TYW1B: variants seen among roughly 807,000 people sequenced by gnomAD.
The protein encoded by TYW1B is S-adenosyl-L-methionine-dependent tRNA 4-demethylwyosine synthase TYW1B.
TYW1B carries 73 observed loss-of-function variants against 86.9 expected under a neutral mutation model. The ratio of observed to expected loss-of-function variants is 0.84; its 90% CI spans 0.70 to 1.02. The LOEUF (loss-of-function observed/expected upper bound fraction) is 1.02, where lower values mean the gene tolerates loss of function less well. Among genes scored for constraint, TYW1B ranks in the 50% least tolerant of loss-of-function variants. The probability of loss-of-function intolerance (pLI) is 0.00; values close to 1 mark genes in which losing one functional copy is unlikely to be tolerated. For synonymous variants in TYW1B, 248 were observed against 292.8 expected (o/e 0.85, Z 1.56); for missense variants, 637 against 827.4 (o/e 0.77, Z 2.82).
intron 9 of TYW1B, among the ~76,000 whole-genome samples, chr7:72,728,541 A>G (rs1787046912): frequency 6.6e-6 from 1 of 152,156 alleles, no homozygotes; most frequent in African/African-American, 2.4e-5. Flanking sequence ...TCCTGACCTC[A>G]GGTGATCCGC....
chr7:72,626,214 TC>T (rs1812346620), intron 12 of TYW1B, among the ~76,000 whole-genome samples: 1 of 150,844 alleles, frequency 6.6e-6, no homozygotes, highest in South Asian at 2.1e-4. Flanking sequence ...TTTCATCTGT[TC>T]CCACCTCCCC....
chr7:72,764,541 G>A (rs1395550796), intron 7 of TYW1B, among the ~76,000 whole-genome samples: 4 of 152,100 alleles, frequency 2.6e-5, no homozygotes, highest in Admixed American at 6.6e-5. Context: ...TCGGCCTCCC[G>A]AAGTGCTGGA....
chr7:72,614,015 G>C (rs1812003663), intron 13 of TYW1B, among the ~76,000 whole-genome samples: 1 of 141,342 alleles, frequency 7.1e-6, no homozygotes, highest in Non-Finnish European at 1.5e-5. Flanking sequence ...GGGGGTGGGG[G>C]GCAGGGGTGG....
chr7:72,639,080 T>C (rs1305219057), intron 11 of TYW1B, among the ~76,000 whole-genome samples: 1 of 152,050 alleles, frequency 6.6e-6, no homozygotes, highest in Non-Finnish European at 1.5e-5. Context: ...CAAAGTACAA[T>C]GTGAGAATCT....
intron 13 of TYW1B, among the ~76,000 whole-genome samples, chr7:72,612,585 T>C (rs1201934321): frequency 3.9e-5 from 6 of 152,060 alleles, no homozygotes; most frequent in Non-Finnish European, 5.9e-5. Context: ...AGTAGTTGGC[T>C]GAACAAAATC....
intron 7 of TYW1B, among the ~76,000 whole-genome samples, chr7:72,756,201 T>TTTTTTATTTTA (rs1381484640): frequency 1.2e-4 from 17 of 138,788 alleles, no homozygotes; most frequent in Non-Finnish European, 2.3e-4. Context: ...GTTTATTATT[T>TTTTTTATTTTA]TTTTATTTTA....
intron 6 of TYW1B, among the ~76,000 whole-genome samples, chr7:72,799,690 C>T (rs1314835758): frequency 6.6e-6 from 1 of 152,076 alleles, no homozygotes; most frequent in African/African-American, 2.4e-5. Context: ...TGATCTCGAT[C>T]ACCTGACCTC....
chr7:72,575,006 T>G lies in TYW1B; in HGVS notation c.*492A>C. ...GACAACTTCGATTCTTTTCAGGAGG[T>G]GCTGTCTTAAGACAGAAGAAAGGGA... is the stretch of plus-strand genomic sequence containing the variant. On this transcript the variant is annotated 3_prime_UTR_variant, in exon 14 of 14. Coordinates refer to ENST00000620995, the MANE Select transcript of TYW1B (RefSeq NM_001145440.3). 1.0e-6 allele frequency: 1 copy of G among 988,452 alleles called. No homozygotes were observed. The highest frequency in any genetic ancestry group is 1.2e-6 in the Non-Finnish European group (1 of 831,830). 61.2% of individuals were successfully genotyped at this position (988,452 alleles called of 1,614,324 possible).
intron 11 of TYW1B, among the ~76,000 whole-genome samples, chr7:72,652,677 G>C (rs1228113009): frequency 6.6e-6 from 1 of 152,042 alleles, no homozygotes; most frequent in African/African-American, 2.4e-5. Context: ...TAGTGATATA[G>C]TATACTGTAA....
At chr7:72,653,761 G>T (rs1185960183) in intron 11 of TYW1B, among the ~76,000 whole-genome samples, 1 of 151,624 alleles carries the variant, frequency 6.6e-6, no homozygotes, top group African/African-American at 2.4e-5. Flanking sequence ...AAAAGCATTT[G>T]ACAAAAGCCA....
intron 13 of TYW1B, among the ~76,000 whole-genome samples, chr7:72,578,980 C>CATA (rs1554429241): frequency 6.6e-6 from 1 of 152,076 alleles, no homozygotes. Flanking sequence ...CCCTCAAACT[C>CATA]TAACATAATT....
rs202041917 is a variant in TYW1B at position 72,800,200 on chromosome 7, CT to C, written c.846+2199del. On this transcript the variant is annotated intron_variant, in intron 6 of 13. Coordinates refer to ENST00000620995, the MANE Select transcript of TYW1B (RefSeq NM_001145440.3). ...ATACAAGCTAACAGATGTTTCACATCTTTTTTTTTTTTTTTGAAACAAGGTC... is the reference window on the plus strand; with the variant it reads ...ATACAAGCTAACAGATGTTTCACATCTTTTTTTTTTTTTTGAAACAAGGTC... 8.2e-3 allele frequency among the ~76,000 whole-genome samples: 1,167 copies of C among 142,346 alleles called. 4 individuals carry two copies. The highest frequency in any genetic ancestry group is 0.017 in the African/African-American group (671 of 39,060). The allele number at this position is 142,346 out of a possible 152,430, so 93.4% of individuals were successfully genotyped here.
chr7:72,679,213 C>T (rs117944170), intron 11 of TYW1B, among the ~76,000 whole-genome samples: 4,733 of 152,202 alleles, frequency 0.031, 89 homozygotes, highest in Admixed American at 0.046. Context: ...CAGGCTACGG[C>T]GACAAAAATC....
chr7:72,600,992 C>T (rs1476992676), intron 13 of TYW1B, among the ~76,000 whole-genome samples: 2 of 151,942 alleles, frequency 1.3e-5, no homozygotes, highest in African/African-American at 4.8e-5. Flanking sequence ...CCTGTTTCTA[C>T]TAAAAATACA....
chr7:72,628,858 C>T (rs1554439314), intron 12 of TYW1B, 29 bp downstream of exon 12: 1 of 1,561,298 alleles, frequency 6.4e-7, no homozygotes, highest in East Asian at 2.4e-5. Context: ...GTCACTCCAC[C>T]ACGGCCACCA....
At chr7:72,734,258 A>AG in intron 8 of TYW1B, among the ~76,000 whole-genome samples, 1 of 116,354 alleles carries the variant, frequency 8.6e-6, no homozygotes, top group Non-Finnish European at 1.6e-5. Flanking sequence ...ACTCCATCTC[A>AG]AAAAAAAAAA....
intron 2 of TYW1B, among the ~76,000 whole-genome samples, chr7:72,823,369 C>T (rs1563107091): frequency 6.6e-6 from 1 of 151,780 alleles, no homozygotes; most frequent in Non-Finnish European, 1.5e-5. Context: ...CGCCTGTAAT[C>T]CCAACACTTT....
intron 8 of TYW1B, among the ~76,000 whole-genome samples, chr7:72,737,014 C>T (rs1392134225): frequency 1.3e-5 from 2 of 152,002 alleles, no homozygotes; most frequent in East Asian, 1.9e-4. Context: ...GGTGACAGAG[C>T]GAGACTCCGT....
At chr7:72,583,621 A>G (rs1241444031) in intron 13 of TYW1B, among the ~76,000 whole-genome samples, 9 of 152,230 alleles carry the variant, frequency 5.9e-5, no homozygotes, top group African/African-American at 2.2e-4. Context: ...AATAAGGTTT[A>G]AAATAGTGGT....
Sources: gnomAD v4.1 joint callset for allele counts (sites outside exome capture counted in the v4.1 genomes callset) on GRCh38, gnomAD v4.1.1 for gene constraint, MANE v1.5 for transcripts, NCBI Gene and HGNC (gene_info 2026-07-23, HGNC 2026-07-21) for gene names.